The following TAFA2 variants were observed in gnomAD, a reference collection of about 807,000 sequenced individuals.
TAFA2 encodes the protein chemokine-like protein TAFA-2.
In TAFA2, 7 loss-of-function variants were observed where a neutral mutation model predicts 18.8. The ratio of observed to expected loss-of-function variants is 0.37; its 90% CI spans 0.21 to 0.70. The LOEUF (loss-of-function observed/expected upper bound fraction) is 0.70, where lower values mean the gene tolerates loss of function less well. Among genes scored for constraint, TAFA2 ranks in the 30% least tolerant of loss-of-function variants. TAFA2 has a pLI of 0.53. For missense variants in TAFA2, 122 were observed against 158.1 expected, an observed-to-expected ratio of 0.77 and a Z score of 1.23; for synonymous variants, 60 against 54.2, an observed-to-expected ratio of 1.11 and a Z score of -0.47.
At chr12:62,035,017 A>G (rs187738286) in intron 1 of TAFA2, among the ~76,000 whole-genome samples, 8 of 152,346 alleles carry the variant, frequency 5.3e-5, no homozygotes, top group Admixed American at 3.3e-4. Context: ...GCCATGACAT[A>G]TACTGTTTTG....
intron 2 of TAFA2, among the ~76,000 whole-genome samples, chr12:61,848,654 T>C (rs1873505600): frequency 6.6e-6 from 1 of 152,018 alleles, no homozygotes; most frequent in Non-Finnish European, 1.5e-5. Context: ...GTTTCATCTA[T>C]TTTATTGAAC....
intron 1 of TAFA2, among the ~76,000 whole-genome samples, chr12:61,928,457 C>T (rs1225476202): frequency 6.6e-6 from 1 of 152,188 alleles, no homozygotes; most frequent in African/African-American, 2.4e-5. Flanking sequence ...AAATCAAAAA[C>T]ACAATGAGAT....
intron 2 of TAFA2, among the ~76,000 whole-genome samples, chr12:61,850,286 A>C (rs1384650307): frequency 6.6e-6 from 1 of 152,026 alleles, no homozygotes; most frequent in Admixed American, 6.6e-5. Context: ...AAGCTACTCT[A>C]AGTTAAATAA....
intron 1 of TAFA2, among the ~76,000 whole-genome samples, chr12:62,092,444 G>C (rs1868756166): frequency 6.6e-6 from 1 of 151,616 alleles, no homozygotes; most frequent in Non-Finnish European, 1.5e-5. Context: ...TTCCTATCAG[G>C]GTCACAAATG....
At chr12:61,876,155 C>T (rs1464857765) in intron 1 of TAFA2, among the ~76,000 whole-genome samples, 1 of 152,030 alleles carries the variant, frequency 6.6e-6, no homozygotes, top group Non-Finnish European at 1.5e-5. Context: ...TGCAAATAAG[C>T]TATGGTAATG....
chr12:62,064,340 C>T (rs1171215119), intron 1 of TAFA2, among the ~76,000 whole-genome samples: 1 of 151,916 alleles, frequency 6.6e-6, no homozygotes, highest in Non-Finnish European at 1.5e-5. Context: ...AAAGTTTGAG[C>T]CTATTTAAAA....
chr12:61,736,798 G>A (rs1868311685), intron 4 of TAFA2, among the ~76,000 whole-genome samples: 1 of 151,994 alleles, frequency 6.6e-6, no homozygotes, highest in Non-Finnish European at 1.5e-5. Context: ...TTCAGGCTGT[G>A]AATGAATGAC....
chr12:61,838,131 C>T (rs1185879640), intron 2 of TAFA2, among the ~76,000 whole-genome samples: 2 of 151,928 alleles, frequency 1.3e-5, no homozygotes, highest in African/African-American at 4.8e-5. Flanking sequence ...GAAGTAGACT[C>T]TGCACATTCC....
chr12:61,850,489 T>C (rs920624770), intron 2 of TAFA2, among the ~76,000 whole-genome samples: 1 of 152,018 alleles, frequency 6.6e-6, no homozygotes, highest in African/African-American at 2.4e-5. Flanking sequence ...TTGTGCATGA[T>C]CAAAAAAGAA....
At chr12:61,768,056 T>C (rs1312771056) in intron 2 of TAFA2, among the ~76,000 whole-genome samples, 1 of 152,080 alleles carries the variant, frequency 6.6e-6, no homozygotes, top group Non-Finnish European at 1.5e-5. Context: ...CTACTAACCA[T>C]GAGATCACTG....
chr12:61,801,930 A>G (rs1476475363), intron 2 of TAFA2, among the ~76,000 whole-genome samples: 1 of 151,972 alleles, frequency 6.6e-6, no homozygotes, highest in Non-Finnish European at 1.5e-5. Flanking sequence ...AAACAAATAA[A>G]CCAACTTAAA....
intron 2 of TAFA2, among the ~76,000 whole-genome samples, chr12:61,863,142 C>A (rs1309741591): frequency 6.6e-6 from 1 of 152,190 alleles, no homozygotes; most frequent in Non-Finnish European, 1.5e-5. Context: ...GAAACAGTAG[C>A]AGTGACACTA....
chr12:62,170,406 A>G (rs4763159), intron 1 of TAFA2, among the ~76,000 whole-genome samples: 139,185 of 152,250 alleles, frequency 0.91, 63,738 homozygotes, highest in Middle Eastern at 0.95. Flanking sequence ...AAATGTTGCC[A>G]AGACATGAAA....
rs1273110725 is a variant in TAFA2 at position 61,906,295 on chromosome 12, C to A, written c.-1-38869G>T. ...ATGGGAGGGACCCAGTGGGAGGTAA[C>A]TGAATCATGGGGGTGGGTTTTTCCT... is the stretch of plus-strand genomic sequence containing the variant. On this transcript the variant is annotated intron_variant, in intron 1 of 4. Transcript: ENST00000416284. Among the ~76,000 whole-genome samples the A allele has an allele frequency of 2.6e-5, 4 of 152,150 alleles. No homozygotes were observed. In the South Asian group the frequency reaches 8.3e-4, roughly 32 times the overall value.
chr12:61,845,739 G>A (rs1459313457), intron 2 of TAFA2, among the ~76,000 whole-genome samples: 1 of 152,098 alleles, frequency 6.6e-6, no homozygotes, highest in Non-Finnish European at 1.5e-5. Flanking sequence ...GTTCCCCAAT[G>A]TGTCTAGAGG....
intron 1 of TAFA2, among the ~76,000 whole-genome samples, chr12:61,947,220 C>A: frequency 2.0e-5 from 3 of 147,204 alleles, no homozygotes; most frequent in African/African-American, 7.6e-5. Flanking sequence ...AAAAACCAAA[C>A]ACCGCATATT....
intron 2 of TAFA2, among the ~76,000 whole-genome samples, chr12:61,867,084 T>A (rs1470156732): frequency 6.6e-6 from 1 of 152,120 alleles, no homozygotes; most frequent in Non-Finnish European, 1.5e-5. Flanking sequence ...AAGGTAGAGT[T>A]CTATTTCCAT....
intron 1 of TAFA2, among the ~76,000 whole-genome samples, chr12:62,000,178 T>TTTGTGGTATATTCATATGATAGA (rs1555182665): frequency 1.4e-5 from 2 of 147,852 alleles, no homozygotes; most frequent in Admixed American, 7.1e-5. Context: ...ATGTGGCTGT[T>TTTGTGGTATATTCATATGATAGA]ATTAGTTTAA....
intron 1 of TAFA2, among the ~76,000 whole-genome samples, chr12:62,098,330 C>T (rs957060954): frequency 1.3e-5 from 2 of 152,104 alleles, no homozygotes; most frequent in Non-Finnish European, 2.9e-5. Flanking sequence ...TCAACAGGCA[C>T]ATGACCAAGG....
Sources: gnomAD v4.1 joint callset for allele counts (sites outside exome capture counted in the v4.1 genomes callset) on GRCh38, gnomAD v4.1.1 for gene constraint, MANE v1.5 for transcripts, NCBI Gene and HGNC (gene_info 2026-07-23, HGNC 2026-07-21) for gene names.